The following NDNF variants were observed in gnomAD, a reference collection of about 807,000 sequenced individuals.
The protein encoded by NDNF is neuron derived neurotrophic factor.
A neutral mutation model predicts 42.0 loss-of-function variants in NDNF; 16 were observed. The observed-to-expected ratio is 0.38, with a 90% CI of 0.26 to 0.58. NDNF has a LOEUF of 0.58. Ranked by LOEUF, NDNF falls within the 20% of genes least tolerant of loss-of-function variation. NDNF has a pLI of 0.67. For missense variants in NDNF, 616 were observed against 666.2 expected (o/e 0.92, Z 0.83); for synonymous variants, 248 against 251.7 (o/e 0.99, Z 0.14).
At position 121,036,201 on chromosome 4, in the gene NDNF, A is replaced by G; in HGVS notation, c.*63T>C. The G allele has an allele frequency of 7.4e-7, 1 of 1,354,038 alleles. No homozygotes were observed. The highest frequency in any genetic ancestry group is 2.2e-5 in the Admixed American group (1 of 44,898). The allele number at this position is 1,354,038 out of a possible 1,614,324, so 83.9% of individuals were successfully genotyped here. ...TCTCAACTGTGGGAGTAGTCAGTTT[A>G]TACTTAAAGTGATTTAATGTCCCTC... On this transcript the variant is annotated 3_prime_UTR_variant, in exon 4 of 4. Coordinates refer to ENST00000379692, the MANE Select transcript of NDNF (RefSeq NM_024574.4).
intron 3 of NDNF, chr4:121,038,891 G>A (rs2148762607): frequency 6.6e-6 from 1 of 150,528 alleles, no homozygotes; most frequent in Non-Finnish European, 1.5e-5. Flanking sequence ...GGAGGCTGAG[G>A]CAGGAGAATT....
At chr4:121,040,442 G>T (rs556257602) in intron 2 of NDNF, among the ~76,000 whole-genome samples, 1 of 152,268 alleles carries the variant, frequency 6.6e-6, no homozygotes, top group Non-Finnish European at 1.5e-5. Flanking sequence ...CAGGTTTGTT[G>T]CCCTATAGGT....
chr4:121,039,863 T>G, intron 3 of NDNF, 67 bp downstream of exon 3: 1 of 1,546,282 alleles, frequency 6.5e-7, no homozygotes, highest in Non-Finnish European at 8.7e-7. Context: ...CATAGAAGGT[T>G]GTATGTTTCA....
chr4:121,043,218 G>A (rs1033210895), intron 2 of NDNF, among the ~76,000 whole-genome samples: 10 of 152,170 alleles, frequency 6.6e-5, no homozygotes, highest in Non-Finnish European at 1.5e-4. Context: ...TGCCAAAGCT[G>A]AGGGATAAGC....
At chr4:121,061,859 G>C (rs882046) in intron 1 of NDNF, among the ~76,000 whole-genome samples, 1 of 152,128 alleles carries the variant, frequency 6.6e-6, no homozygotes, top group Admixed American at 6.5e-5. Flanking sequence ...AACCATGATC[G>C]GCTTTGGTAC....
intron 2 of NDNF, among the ~76,000 whole-genome samples, chr4:121,040,445 C>G (rs752021043): frequency 6.6e-6 from 1 of 152,146 alleles, no homozygotes; most frequent in Non-Finnish European, 1.5e-5. Flanking sequence ...GTTTGTTGCC[C>G]TATAGGTGCC....
At position 121,037,627 on chromosome 4, in the gene NDNF, T is replaced by A. The variant is rs756413099; in HGVS notation, c.344A>T (p.Gln115Leu). The change falls in exon 4 of 4, where the codon CAG becomes CTG. Residue 115 changes from glutamine (Q) to leucine (L), a missense_variant. Gln to Leu is a moderately radical substitution (Grantham distance 113, BLOSUM62 -2). Transcript: ENST00000379692. ...GDLEPLEQQK[Q>L]QIINEEGTEL... ...AGTGCCTTCCTCATTAATGATCTGCTGCTTCTGCTGCTCAAGAGGTTCCAG... is the reference window on the plus strand; with the variant it reads ...AGTGCCTTCCTCATTAATGATCTGCAGCTTCTGCTGCTCAAGAGGTTCCAG... 6.3e-7 allele frequency: 1 copy of A among 1,592,088 alleles called. No individual in the cohort carries two copies. Among genetic ancestry groups the A allele is most frequent in the Non-Finnish European group, 8.5e-7 (1 of 1,173,516 alleles).
chr4:121,047,736 A>T (rs368683789), intron 1 of NDNF, among the ~76,000 whole-genome samples: 43 of 152,320 alleles, frequency 2.8e-4, no homozygotes, highest in African/African-American at 1.0e-3. Flanking sequence ...ATAATCAGCA[A>T]TGCTTCTGAG....
In NDNF at chr4:121,037,536, T is replaced by C. The variant is rs3733559; in HGVS notation, c.435A>G (p.Leu145=). The change falls in exon 4 of 4, where the codon TTA becomes TTG. Residue 145 remains leucine, a synonymous_variant. Coordinates refer to ENST00000379692, the MANE Select transcript of NDNF (RefSeq NM_024574.4). Reference sequence around the variant, plus strand: ...CTGTTGAAAGAAGATCCAACTGATATAAACCGGATGGGGAACTAGACGATA... The same window carrying C: ...CTGTTGAAAGAAGATCCAACTGATACAAACCGGATGGGGAACTAGACGATA... ...YFISSSSPSG[L]YQLDLLSTEK... 0.22 allele frequency: 360,239 copies of C among 1,613,762 alleles called. 42,500 individuals carry two copies. The highest frequency in any genetic ancestry group is 0.35 in the Admixed American group (20,771 of 59,968).
At position 121,072,525 on chromosome 4, in the gene NDNF, G is replaced by A. The variant is rs1727628594; in HGVS notation, c.-534C>T. 1.3e-5 allele frequency: 2 copies of A among 151,606 alleles called. No individual in the cohort carries two copies. The highest frequency in any genetic ancestry group is 6.6e-5 in the Admixed American group (1 of 15,260). The allele number at this position is 151,606 out of a possible 1,614,324, so 9.4% of individuals were successfully genotyped here. ...TAGCTCCACTCTCTCGCGGCTGGAA[G>A]TGGGGAGTGTGTGTTCGCTCCCGAG... On this transcript the variant is annotated 5_prime_UTR_variant, in exon 1 of 4. Coordinates refer to ENST00000379692, the MANE Select transcript of NDNF (RefSeq NM_024574.4).
At chr4:121,053,092 A>G (rs905455084) in intron 1 of NDNF, among the ~76,000 whole-genome samples, 2 of 152,198 alleles carry the variant, frequency 1.3e-5, no homozygotes, top group African/African-American at 4.8e-5. Context: ...GCAGGCTGTC[A>G]GTACACAGTG....
intron 1 of NDNF, among the ~76,000 whole-genome samples, chr4:121,046,387 C>A (rs1433701543): frequency 6.6e-6 from 1 of 152,162 alleles, no homozygotes; most frequent in African/African-American, 2.4e-5. Context: ...TCCCTAAAAT[C>A]TGACTAGGGG....
At chr4:121,063,476 G>A (rs1282546578) in intron 1 of NDNF, among the ~76,000 whole-genome samples, 2 of 152,168 alleles carry the variant, frequency 1.3e-5, no homozygotes, top group Non-Finnish European at 2.9e-5. Context: ...CACAGAGTGA[G>A]AGAGGAGAAA....
chr4:121,045,709 C>T lies in NDNF; in HGVS notation c.129G>A (p.Ser43=), dbSNP rs748245904. The change falls in exon 2 of 4, where the codon TCG becomes TCA. Residue 43 remains serine (S), a synonymous_variant. Coordinates refer to ENST00000379692, the MANE Select transcript of NDNF (RefSeq NM_024574.4). The part of the protein sequence containing the change: ...QIRDKAFFHD[S]SVIPDGAEIS... ...TTTCAGCTCCATCTGGAATTACTGA[C>T]GAATCATGAAAAAATGCCTTGTCCC... is the stretch of plus-strand genomic sequence containing the variant. 7.4e-6 allele frequency: 12 copies of T among 1,613,992 alleles called. No individual in the cohort carries two copies. The highest frequency in any genetic ancestry group is 1.6e-4 in the Middle Eastern group (1 of 6,084).
chr4:121,048,253 T>C (rs1464882613), intron 1 of NDNF, among the ~76,000 whole-genome samples: 1 of 152,254 alleles, frequency 6.6e-6, no homozygotes, highest in Admixed American at 6.5e-5. Context: ...TTTCGCTTTC[T>C]GTACTTGTTA....
chr4:121,069,716 A>C (rs1045414580), intron 1 of NDNF, among the ~76,000 whole-genome samples: 4 of 152,222 alleles, frequency 2.6e-5, no homozygotes, highest in African/African-American at 9.7e-5. Flanking sequence ...TGTGCAGAGA[A>C]GGACCTTGTA....
chr4:121,071,565 T>C (rs980339880), intron 1 of NDNF: 3 of 152,172 alleles, frequency 2.0e-5, no homozygotes, highest in East Asian at 1.9e-4. Context: ...AACAGCCCTC[T>C]TGGCAGGCGG....
At chr4:121,041,108 T>C (rs1726990059) in intron 2 of NDNF, among the ~76,000 whole-genome samples, 1 of 152,240 alleles carries the variant, frequency 6.6e-6, no homozygotes, top group Admixed American at 6.5e-5. Flanking sequence ...AAAAATCAAA[T>C]GTTCTACTCT....
chr4:121,039,537 G>A (rs1726959278), intron 3 of NDNF, among the ~76,000 whole-genome samples: 1 of 151,980 alleles, frequency 6.6e-6, no homozygotes, highest in Non-Finnish European at 1.5e-5. Flanking sequence ...CACCTGGGGA[G>A]TGTGGCTAAA....
Sources: gnomAD v4.1 joint callset for allele counts (sites outside exome capture counted in the v4.1 genomes callset) on GRCh38, gnomAD v4.1.1 for gene constraint, MANE v1.5 for transcripts, NCBI Gene and HGNC (gene_info 2026-07-23, HGNC 2026-07-21) for gene names.